Variants in MROH2A observed in about 807,000 individuals in gnomAD.
MROH2A encodes the protein maestro heat-like repeat-containing protein family member 2A.
A neutral mutation model predicts 200.4 loss-of-function variants in MROH2A; 174 were observed. That is an observed-to-expected ratio of 0.87 (90% CI 0.77 to 0.98). The LOEUF (loss-of-function observed/expected upper bound fraction) is 0.98, where lower values mean the gene tolerates loss of function less well. MROH2A is among the 50% of genes least tolerant of loss of function. The pLI is 0.00. For synonymous variants in MROH2A, 829 were observed against 840.4 expected, an observed-to-expected ratio of 0.99 and a Z score of 0.23; for missense variants, 2,045 against 2,139.6, an observed-to-expected ratio of 0.96 and a Z score of 0.87.
chr2:233,807,374 G>A lies in MROH2A; in HGVS notation c.2053-49G>A, dbSNP rs565887347. ...ACTCTCTACAACAGCACCCCCTGAA[G>A]GCTGGCTGTAGGGAGGCCTGAGCTC... On this transcript the variant is annotated intron_variant, in intron 19 of 41. Transcript: ENST00000389758. The surrounding 1 kb of genome is among the most constrained non-coding windows in gnomAD (Gnocchi z 4.3). 2.0e-6 allele frequency: 3 copies of A among 1,516,152 alleles called. No homozygotes were observed. The highest frequency in any genetic ancestry group is 3.5e-4 in the Middle Eastern group (2 of 5,782). The allele number at this position is 1,516,152 out of a possible 1,614,324, so 93.9% of individuals were successfully genotyped here.
Position 233,822,410 on chromosome 2 carries a change from C to T in MROH2A, c.3720C>T (p.Asp1240=). The T allele has an allele frequency of 2.6e-6, 4 of 1,551,050 alleles. No individual in the cohort carries two copies. The South Asian group carries it at 4.8e-5, about 18-fold the overall frequency. ...TCATTCAGAAGCTGGATGAGAATGA[C>T]AAGCTCCCGGACTTCCTCCCTGACC... ...HLLIQKLDEN[D]KLPDFLPDLI... The change falls in exon 33 of 42, where the codon GAC becomes GAT. Residue 1240 remains aspartate, a synonymous_variant. Transcript: ENST00000389758.
rs1333467965 is a variant in MROH2A at position 233,832,660 on chromosome 2, T to G, written c.4903+16T>G. The G allele has an allele frequency of 6.5e-7, 1 of 1,533,360 alleles. No individual in the cohort carries two copies. The highest frequency in any genetic ancestry group is 1.4e-5 in the African/African-American group (1 of 72,396). 95.0% of individuals were successfully genotyped at this position (1,533,360 alleles called of 1,614,324 possible). A position where few individuals can be genotyped will look rare whatever the true frequency, so the allele number is the denominator to read the frequency against. On this transcript the variant is annotated intron_variant, in intron 41 of 41. Transcript: ENST00000389758. The stretch of plus-strand genomic sequence containing the variant: ...TTACGGAATTGTGAGTAGTGGAGAG[T>G]GTTAGATGTTGAGTCCACGACTCAC...
intron 35 of MROH2A, among the ~76,000 whole-genome samples, chr2:233,826,806 T>C (rs1387137357): frequency 6.6e-6 from 1 of 151,976 alleles, no homozygotes; most frequent in Non-Finnish European, 1.5e-5. Flanking sequence ...TTGAAGAAAA[T>C]CTTTGCAATT....
At chr2:233,801,337 G>T (rs563095935) in intron 14 of MROH2A, among the ~76,000 whole-genome samples, 4 of 151,962 alleles carry the variant, frequency 2.6e-5, no homozygotes, top group Non-Finnish European at 4.4e-5. Flanking sequence ...GGGTGGAGAG[G>T]GATTATAATT....
chr2:233,785,425 A>G (rs1211917456), intron 3 of MROH2A, among the ~76,000 whole-genome samples: 1 of 145,698 alleles, frequency 6.9e-6, no homozygotes, highest in Non-Finnish European at 1.5e-5. Flanking sequence ...GCCATTTTGC[A>G]CCACTGTACT....
rs1559434878 is a variant in MROH2A, at chr2:233,787,428, C to CATAT, written c.277-2068_277-2067insTATA. The stretch of plus-strand genomic sequence containing the variant: ...TATAACACACACACACACACACACA[C>CATAT]ACATATGTATATACATATACATATA... On this transcript the variant is annotated intron_variant, in intron 3 of 41. Transcript: ENST00000389758. Among the ~76,000 whole-genome samples the CATAT allele has an allele frequency of 3.8e-4, 50 of 130,594 alleles. 2 individuals carry two copies. The highest frequency in any genetic ancestry group is 2.8e-3 in the Admixed American group (32 of 11,356). The allele number at this position is 130,594 out of a possible 152,430, so 85.7% of individuals were successfully genotyped here.
chr2:233,797,720 G>A (rs1013177625), intron 11 of MROH2A, among the ~76,000 whole-genome samples: 1 of 151,998 alleles, frequency 6.6e-6, no homozygotes, highest in Non-Finnish European at 1.5e-5. Flanking sequence ...TTGCCCTAAT[G>A]CTCTCCCTCC....
At position 233,804,494 on chromosome 2, in the gene MROH2A, G is replaced by C; in HGVS notation, c.1892-1G>C. On this transcript the variant is annotated splice_acceptor_variant, in intron 17 of 41. Transcript: ENST00000389758. LOFTEE classifies it high-confidence loss of function. ...GTGTGACCATACATGTGTTCCTGCA[G>C]AACATACTGAGTTCACTTGGGATCA... The C allele has an allele frequency of 6.4e-7, 1 of 1,551,278 alleles. No individual in the cohort carries two copies. The highest frequency in any genetic ancestry group is 8.7e-7 in the Non-Finnish European group (1 of 1,147,144).
chr2:233,822,943 C>A lies in MROH2A; in HGVS notation c.3929C>A (p.Thr1310Asn). Residue 1310 changes from threonine (T) to asparagine (N), a missense_variant, in exon 34 of 42, where the codon ACC becomes AAC. Coordinates refer to ENST00000389758, the MANE Select transcript of MROH2A (RefSeq NM_001394639.1). ...KRVKSQHLAH[T>N]LDEQAVWDLL... ...GTCAAGAGCCAGCACCTGGCACATA[C>A]CCTGGACGAGCAGGCAGTGTGGGAC... The A allele has an allele frequency of 6.4e-7, 1 of 1,550,616 alleles. No individual in the cohort carries two copies. Among genetic ancestry groups the A allele is most frequent in the Non-Finnish European group, 8.7e-7 (1 of 1,146,970 alleles).
At chr2:233,827,534 C>T (rs1704399414) in intron 35 of MROH2A, among the ~76,000 whole-genome samples, 1 of 152,078 alleles carries the variant, frequency 6.6e-6, no homozygotes, top group African/African-American at 2.4e-5. Context: ...ATCACATGGA[C>T]ACAGGGAGAG....
At chr2:233,825,380 G>C (rs2124897419) in intron 35 of MROH2A, among the ~76,000 whole-genome samples, 1 of 152,308 alleles carries the variant, frequency 6.6e-6, no homozygotes, top group Admixed American at 6.5e-5. Flanking sequence ...TGGTGAGAGA[G>C]GGCATCCTTG....
chr2:233,790,705 C>T (rs1469904347), intron 5 of MROH2A, among the ~76,000 whole-genome samples: 1 of 138,070 alleles, frequency 7.2e-6, no homozygotes, highest in African/African-American at 2.7e-5. Context: ...CCTTCCTTCT[C>T]CATCCTCCCT....
chr2:233,796,702 T>C (rs976664044), intron 11 of MROH2A, among the ~76,000 whole-genome samples: 1 of 152,086 alleles, frequency 6.6e-6, no homozygotes, highest in Non-Finnish European at 1.5e-5. Context: ...AGCCCTGAGA[T>C]TTAAAGAGAA....
chr2:233,784,956 A>G (rs568627005), intron 3 of MROH2A, among the ~76,000 whole-genome samples: 5 of 152,050 alleles, frequency 3.3e-5, no homozygotes, highest in African/African-American at 7.2e-5. Context: ...GAGCAGCCTG[A>G]CCAATGTGGT....
In MROH2A at chr2:233,799,962, G is replaced by A. The variant is rs968747099; in HGVS notation, c.1449+63G>A. 1.6e-5 allele frequency: 25 copies of A among 1,544,612 alleles called. No individual in the cohort carries two copies. In the East Asian group the frequency reaches 5.9e-4, roughly 36 times the overall value. On this transcript the variant is annotated intron_variant, in intron 13 of 41. Transcript: ENST00000389758. ...ACTTGGAAATGGTTTCCACAGTGCT[G>A]AGGGGAGAATGCCACTCAGCGTACC...
chr2:233,785,755 G>C (rs1318442605), intron 3 of MROH2A, among the ~76,000 whole-genome samples: 1 of 152,162 alleles, frequency 6.6e-6, no homozygotes. Flanking sequence ...AGGACAGGTG[G>C]ATAGTGGCCC....
Position 233,831,421 on chromosome 2 carries a change from A to G in MROH2A, c.4615A>G (p.Thr1539Ala). 2 of 1,549,920 alleles carry G rather than the reference A, an allele frequency of 1.3e-6. No individual in the cohort carries two copies. The highest frequency in any genetic ancestry group is 1.7e-6 in the Non-Finnish European group (2 of 1,146,642). Residue 1539 changes from threonine (T) to alanine (A), a missense_variant, in exon 39 of 42, where the codon ACC (threonine) becomes GCC (alanine). This residue lies in a region of MROH2A where 1,201 missense variants were observed against 1,311.3 expected (regional missense o/e 0.92). Transcript: ENST00000389758. ...TGTGTCCCTGCAGGCCTGTATGGCT[A>G]CCATGTTTCAGTGTGTGCACTTCTG... Reference protein sequence around the residue: ...CSNAAQACMATMFQCVHFWGW... With the variant: ...CSNAAQACMAAMFQCVHFWGW...
chr2:233,805,271 T>C (rs1334305626), intron 19 of MROH2A, among the ~76,000 whole-genome samples, 160 bp downstream of exon 19: 1 of 152,226 alleles, frequency 6.6e-6, no homozygotes, highest in Admixed American at 6.5e-5. Context: ...GTTTTAGTTT[T>C]GTTTTGGTTT....
intron 3 of MROH2A, among the ~76,000 whole-genome samples, chr2:233,787,508 T>A (rs1701274892): frequency 7.9e-6 from 1 of 126,090 alleles, no homozygotes; most frequent in Non-Finnish European, 1.6e-5. Context: ...TACATATATA[T>A]TATATATACA....
Sources: allele counts gnomAD v4.1 joint callset (sites outside exome capture counted in the v4.1 genomes callset), GRCh38; gene constraint gnomAD v4.1.1; regional missense constraint gnomAD v4.1.1; non-coding constraint Gnocchi (gnomAD v3.1); transcripts MANE v1.5; gene names NCBI Gene and HGNC (gene_info 2026-07-23, HGNC 2026-07-21).